SAMMSON: variants seen among roughly 807,000 people sequenced by gnomAD.
SAMMSON encodes the protein long intergenic non-protein coding RNA 1212.
At chr3:70,218,513 G>A (rs769473058) in intron 4 of SAMMSON, among the ~76,000 whole-genome samples, 2 of 151,894 alleles carry the variant, frequency 1.3e-5, no homozygotes, top group African/African-American at 2.4e-5. Context: ...GCTTCCTTTC[G>A]GTACCCAGGG....
intron 9 of SAMMSON, among the ~76,000 whole-genome samples, chr3:70,362,794 G>A (rs996671372): frequency 6.8e-6 from 1 of 147,174 alleles, no homozygotes; most frequent in African/African-American, 2.5e-5. Context: ...GGTAACCCAG[G>A]AAAGATCTGC....
At chr3:70,264,694 C>A (rs1701899344) in intron 6 of SAMMSON, among the ~76,000 whole-genome samples, 1 of 152,188 alleles carries the variant, frequency 6.6e-6, no homozygotes, top group Non-Finnish European at 1.5e-5. Flanking sequence ...GTGAACATGG[C>A]AGATGCAGTC....
At chr3:70,431,895 A>C (rs1280799964) in intron 2 of SAMMSON, among the ~76,000 whole-genome samples, 2 of 152,090 alleles carry the variant, frequency 1.3e-5, no homozygotes, top group Non-Finnish European at 2.9e-5. Flanking sequence ...AGACTTTTGC[A>C]TGACAAGCAG....
chr3:70,085,058 G>A (rs1053422400), intron 4 of SAMMSON, among the ~76,000 whole-genome samples: 1 of 152,118 alleles, frequency 6.6e-6, no homozygotes, highest in African/African-American at 2.4e-5. Flanking sequence ...GGTTAGTTAC[G>A]GTTTCTGGAT....
chr3:70,285,110 G>A (rs1276228193), intron 6 of SAMMSON, among the ~76,000 whole-genome samples: 1 of 149,488 alleles, frequency 6.7e-6, no homozygotes, highest in Non-Finnish European at 1.5e-5. Flanking sequence ...ACATTGTGCA[G>A]GTTAGTTACA....
At chr3:70,207,340 T>C (rs2106725092) in intron 4 of SAMMSON, among the ~76,000 whole-genome samples, 1 of 152,236 alleles carries the variant, frequency 6.6e-6, no homozygotes, top group Middle Eastern at 3.4e-3. Context: ...TTTCTCTGCC[T>C]TGGTATTTAA....
intron 4 of SAMMSON, among the ~76,000 whole-genome samples, chr3:70,200,842 G>T: frequency 6.6e-6 from 1 of 152,004 alleles, no homozygotes; most frequent in Non-Finnish European, 1.5e-5. Context: ...CCAACTGTAA[G>T]ATCGTAGAGC....
intron 3 of SAMMSON, among the ~76,000 whole-genome samples, chr3:70,058,634 G>A (rs1305237287): frequency 6.6e-6 from 1 of 151,928 alleles, no homozygotes; most frequent in Non-Finnish European, 1.5e-5. Context: ...CATTTAACTT[G>A]CTGATAATTG....
chr3:70,108,441 T>TTTTTTTTTA (rs1553715435), intron 4 of SAMMSON, among the ~76,000 whole-genome samples: 1 of 146,344 alleles, frequency 6.8e-6, no homozygotes, highest in African/African-American at 2.6e-5. Context: ...TTTTTTTTTT[T>TTTTTTTTTA]ATCATAACTC....
chr3:70,327,261 C>T (rs1231003498), intron 7 of SAMMSON, among the ~76,000 whole-genome samples: 1 of 152,154 alleles, frequency 6.6e-6, no homozygotes, highest in East Asian at 1.9e-4. Context: ...TTTGCTTTTC[C>T]ACCATAAACA....
chr3:69,999,622 T>C (rs1576089832), upstream of SAMMSON: 1 of 152,102 alleles, frequency 6.6e-6, no homozygotes, highest in Non-Finnish European at 1.5e-5. Context: ...TGGATCTAGG[T>C]GAGGACAGGC....
In SAMMSON at chr3:70,328,091, C is replaced by G. The variant is rs1160002998; in HGVS notation, n.740-26084C>G. Among the ~76,000 whole-genome samples the G allele has an allele frequency of 2.0e-5, 3 of 152,122 alleles. No homozygotes were observed. In the East Asian group the frequency reaches 5.8e-4, roughly 29 times the overall value. ...GAAGAGAGCTTGTGCAGGGAAACTC[C>G]CCTTTATAAAACTATCAAATCTTGT... On this transcript the variant is annotated intron_variant and non_coding_transcript_variant, in intron 7 of 9. Coordinates refer to ENST00000642114, the Ensembl canonical transcript of SAMMSON.
At chr3:70,400,691 G>A (rs772958944) in intron 2 of SAMMSON, among the ~76,000 whole-genome samples, 6 of 152,134 alleles carry the variant, frequency 3.9e-5, no homozygotes, top group Non-Finnish European at 7.4e-5. Flanking sequence ...CAGCACTTTG[G>A]AGCGTGAGGT....
chr3:70,285,423 T>TA (rs1436008622), intron 6 of SAMMSON, among the ~76,000 whole-genome samples: 2 of 152,158 alleles, frequency 1.3e-5, no homozygotes, highest in Admixed American at 6.5e-5. Context: ...TTCTATGGTG[T>TA]ATATATGCCA....
intron 3 of SAMMSON, among the ~76,000 whole-genome samples, chr3:70,042,724 G>A (rs898985559): frequency 4.6e-5 from 7 of 152,110 alleles, no homozygotes; most frequent in African/African-American, 7.2e-5. Context: ...AGGACTGTGC[G>A]TTTAATGTTG....
intron 4 of SAMMSON, among the ~76,000 whole-genome samples, chr3:70,184,655 A>C (rs1187883405): frequency 6.6e-6 from 1 of 152,206 alleles, no homozygotes; most frequent in Non-Finnish European, 1.5e-5. Flanking sequence ...AAAGACATAC[A>C]TGAAGAGATT....
chr3:70,346,980 G>A (rs373727193), intron 7 of SAMMSON, among the ~76,000 whole-genome samples: 5 of 152,094 alleles, frequency 3.3e-5, no homozygotes, highest in Admixed American at 2.0e-4. Flanking sequence ...AAAGACATGC[G>A]CTGATTACCC....
chr3:70,211,369 TC>T (rs1465851567), intron 4 of SAMMSON, among the ~76,000 whole-genome samples: 1 of 3,682 alleles, frequency 2.7e-4, no homozygotes, highest in African/African-American at 3.5e-4. Flanking sequence ...CCTTTGCCCT[TC>T]CCTTCCCTTT....
chr3:70,232,736 G>A lies in SAMMSON; in HGVS notation n.508-16371G>A, dbSNP rs55657786. On this transcript the variant is annotated intron_variant and non_coding_transcript_variant, in intron 4 of 9. Coordinates refer to ENST00000642114, the Ensembl canonical transcript of SAMMSON. ...TTAGTCACAATAATAATGTAAATAC[G>A]TATTGTTTTTACCAATAATAAATAT... 2.2e-3 allele frequency among the ~76,000 whole-genome samples: 338 copies of A among 152,110 alleles called. 2 individuals carry two copies. The highest frequency in any genetic ancestry group is 3.9e-3 in the Non-Finnish European group (266 of 68,000).
Sources: allele counts gnomAD v4.1 joint callset (sites outside exome capture counted in the v4.1 genomes callset), GRCh38; gene constraint gnomAD v4.1.1; transcripts MANE v1.5; gene names NCBI Gene and HGNC (gene_info 2026-07-23, HGNC 2026-07-21).